KDM4A: variants seen among roughly 807,000 people sequenced by gnomAD.
KDM4A encodes lysine-specific demethylase 4A.
KDM4A carries 23 observed loss-of-function variants against 127.1 expected under a neutral mutation model. That is an observed-to-expected ratio of 0.18 (90% CI 0.13 to 0.26). The LOEUF is 0.26. Among genes scored for constraint, KDM4A ranks in the 10% least tolerant of loss-of-function variants. The pLI is 1.00. For synonymous variants in KDM4A, 443 were observed against 466.5 expected (o/e 0.95, Z 0.65); for missense variants, 890 against 1,329.1 (o/e 0.67, Z 5.14).
At chr1:43,680,961 T>C (rs1421426244) in intron 11 of KDM4A, among the ~76,000 whole-genome samples, 1 of 152,212 alleles carries the variant, frequency 6.6e-6, no homozygotes, top group Non-Finnish European at 1.5e-5. Flanking sequence ...TATCTCCCTT[T>C]CACAAGCTGC....
chr1:43,658,291 C>T (rs918479000), intron 3 of KDM4A, among the ~76,000 whole-genome samples: 12 of 151,994 alleles, frequency 7.9e-5, no homozygotes, highest in African/African-American at 2.9e-4. Flanking sequence ...AGGCTGGTCT[C>T]GAACTGTTGG....
rs1315130006 is a variant in KDM4A, at chr1:43,662,882, T to C, written c.430-12T>C. The C allele has an allele frequency of 2.5e-6, 4 of 1,601,812 alleles. No individual in the cohort carries two copies. Among genetic ancestry groups the C allele is most frequent in the East Asian group, 4.5e-5 (2 of 44,642 alleles). On this transcript the variant is annotated splice_polypyrimidine_tract_variant and intron_variant, in intron 4 of 21. Coordinates refer to ENST00000372396, the MANE Select transcript of KDM4A (RefSeq NM_014663.3). ...AAATGTAACTTGCCCTGGACTGTCA[T>C]TGCCTTTGCAGCATGTTGATGAGTG...
At chr1:43,685,044 T>G (rs1278490442) in intron 12 of KDM4A, among the ~76,000 whole-genome samples, 2 of 151,586 alleles carry the variant, frequency 1.3e-5, no homozygotes, top group African/African-American at 4.9e-5. Context: ...GACTTAGGAG[T>G]TGGCACTGAG....
Position 43,673,783 on chromosome 1 carries a change from G to C in KDM4A, c.1734+1908G>C, listed in dbSNP as rs114321621. Among the ~76,000 whole-genome samples the C allele has an allele frequency of 4.5e-3, 687 of 152,104 alleles. 7 individuals carry two copies. Among genetic ancestry groups the C allele is most frequent in the African/African-American group, 0.016 (666 of 41,494 alleles). The stretch of plus-strand genomic sequence containing the variant: ...GTTGCCACCTAGCAATTCTTCCTTC[G>C]CAGAGGCCCCGGGCCATTTCATCCA... On this transcript the variant is annotated intron_variant, in intron 11 of 21. Coordinates refer to ENST00000372396, the MANE Select transcript of KDM4A (RefSeq NM_014663.3).
At chr1:43,676,089 A>T (rs1310915843) in intron 11 of KDM4A, among the ~76,000 whole-genome samples, 16 of 60,360 alleles carry the variant, frequency 2.7e-4, no homozygotes, top group South Asian at 1.1e-3. Context: ...TCAAAAAGAT[A>T]AAAAAAAAAA....
chr1:43,700,078 G>A (rs1212547677), intron 19 of KDM4A: 1 of 152,088 alleles, frequency 6.6e-6, no homozygotes, highest in Non-Finnish European at 1.5e-5. Flanking sequence ...TTAGGTTCAA[G>A]TATAGGAAGA....
chr1:43,680,449 A>G (rs1660831828), intron 11 of KDM4A, among the ~76,000 whole-genome samples: 1 of 152,150 alleles, frequency 6.6e-6, no homozygotes, highest in Non-Finnish European at 1.5e-5. Flanking sequence ...GATCTTAGGT[A>G]CCTCCTACCC....
intron 3 of KDM4A, among the ~76,000 whole-genome samples, chr1:43,656,019 ACT>A (rs1409637796): frequency 3.9e-5 from 6 of 151,972 alleles, no homozygotes; most frequent in Admixed American, 2.6e-4. Context: ...TCATTTTCTG[ACT>A]CTAAAGTTGC....
intron 14 of KDM4A, 104 bp downstream of exon 14, chr1:43,691,153 A>G (rs1661100538): frequency 8.5e-7 from 1 of 1,182,876 alleles, no homozygotes; most frequent in Admixed American, 1.7e-5. Context: ...AAGATTGTTG[A>G]TGTTTTATTG....
rs753710933 is a variant in KDM4A, at chr1:43,703,742, C to CA, written c.2961+9dup. On this transcript the variant is annotated splice_region_variant and intron_variant, in intron 20 of 21. Coordinates refer to ENST00000372396, the MANE Select transcript of KDM4A (RefSeq NM_014663.3). ...ACCCTATCCAAATGTACCAGGTATC[C>CA]AAAGTTCTACCTTTCTAGGGAGTGG... 9.5e-4 allele frequency: 1,528 copies of CA among 1,613,978 alleles called. 11 individuals carry two copies. Among genetic ancestry groups the CA allele is most frequent in the Admixed American group, 2.5e-3 (149 of 60,014 alleles).
intron 10 of KDM4A, 140 bp from the exon 11 acceptor site, chr1:43,671,365 G>T: frequency 1.2e-6 from 1 of 826,984 alleles, no homozygotes; most frequent in Non-Finnish European, 1.8e-6. Context: ...CTGGCTCACA[G>T]TGCCCCTCAG....
intron 11 of KDM4A, among the ~76,000 whole-genome samples, chr1:43,681,860 G>A (rs1660866786): frequency 6.6e-6 from 1 of 152,208 alleles, no homozygotes. Flanking sequence ...TGATTAGTAA[G>A]TAATATATAG....
In KDM4A at chr1:43,693,988, T is replaced by G. The variant is rs776796798; in HGVS notation, c.2376-6T>G. The G allele has an allele frequency of 5.6e-6, 9 of 1,613,866 alleles. No homozygotes were observed. Among genetic ancestry groups the G allele is most frequent in the Non-Finnish European group, 5.9e-6 (7 of 1,179,784 alleles). ...GGTGACTGAGGGAGCCTTTGCCTTTTGGCAGGTGGGTCCACGTTTCATGTG... is the reference window on the plus strand; with the variant it reads ...GGTGACTGAGGGAGCCTTTGCCTTTGGGCAGGTGGGTCCACGTTTCATGTG... On this transcript the variant is annotated splice_region_variant and splice_polypyrimidine_tract_variant and intron_variant, in intron 16 of 21. Coordinates refer to ENST00000372396, the MANE Select transcript of KDM4A (RefSeq NM_014663.3). This position sits in a 1 kb window ranked among gnomAD's most constrained non-coding sequence, Gnocchi z 4.2.
chr1:43,690,695 A>AT, intron 13 of KDM4A, 150 bp from the exon 14 acceptor site: 1 of 760,622 alleles, frequency 1.3e-6, no homozygotes, highest in East Asian at 2.4e-5. Context: ...GGTAACTTCA[A>AT]TTAGCAGCTC....
rs1570870799 is a variant in KDM4A at position 43,693,886 on chromosome 1, G to A, written c.2376-108G>A. On this transcript the variant is annotated intron_variant, in intron 16 of 21. Coordinates refer to ENST00000372396, the MANE Select transcript of KDM4A (RefSeq NM_014663.3). The surrounding 1 kb of genome is among the most constrained non-coding windows in gnomAD (Gnocchi z 4.2). ...GGGTCCCAGGCATGTGCTGGTGGAAGTCAGTGGTCACCCAGGTGAGGGAGG... is the reference window on the plus strand; with the variant it reads ...GGGTCCCAGGCATGTGCTGGTGGAAATCAGTGGTCACCCAGGTGAGGGAGG... 5.0e-6 allele frequency: 4 copies of A among 799,564 alleles called. No individual in the cohort carries two copies. Among genetic ancestry groups the A allele is most frequent in the Non-Finnish European group, 8.3e-6 (4 of 480,404 alleles). The allele number at this position is 799,564 out of a possible 1,614,324, so 49.5% of individuals were successfully genotyped here. A position where few individuals can be genotyped will look rare whatever the true frequency, so the allele number is the denominator to read the frequency against.
intron 19 of KDM4A, among the ~76,000 whole-genome samples, chr1:43,698,828 G>A (rs1411960679): frequency 2.0e-5 from 3 of 152,194 alleles, no homozygotes; most frequent in Middle Eastern, 3.4e-3. Context: ...TCACTCTGAC[G>A]CCCAGGCTGG....
intron 14 of KDM4A, 62 bp downstream of exon 14, chr1:43,691,111 T>C: frequency 6.5e-7 from 1 of 1,543,378 alleles, no homozygotes; most frequent in Non-Finnish European, 8.9e-7. Context: ...TCACTGGAAG[T>C]TCTTGCCACC....
intron 12 of KDM4A, among the ~76,000 whole-genome samples, chr1:43,685,641 G>A (rs1039963500): frequency 4.6e-5 from 7 of 152,012 alleles, no homozygotes; most frequent in Non-Finnish European, 7.4e-5. Flanking sequence ...GGTGGTGAGC[G>A]CCTGTAGTCC....
chr1:43,684,297 G>A (rs1243029561), intron 12 of KDM4A, among the ~76,000 whole-genome samples: 1 of 152,176 alleles, frequency 6.6e-6, no homozygotes, highest in Non-Finnish European at 1.5e-5. Context: ...GAGGTCAGGA[G>A]ATCGAGACCA....
Sources: allele counts gnomAD v4.1 joint callset (sites outside exome capture counted in the v4.1 genomes callset), GRCh38; gene constraint gnomAD v4.1.1; non-coding constraint Gnocchi (gnomAD v3.1); transcripts MANE v1.5; gene names NCBI Gene and HGNC (gene_info 2026-07-23, HGNC 2026-07-21).